Variants in TBX1 observed in about 807,000 individuals in gnomAD.
TBX1 encodes the protein T-box transcription factor 1, also known as T-box transcription factor TBX1.
In TBX1, 16 loss-of-function variants were observed where a neutral mutation model predicts 40.8. The observed-to-expected ratio is 0.39, with a 90% CI of 0.27 to 0.60. The LOEUF is 0.60. Among genes scored for constraint, TBX1 ranks in the 20% least tolerant of loss-of-function variants. The pLI is 0.51. For missense variants in TBX1, 755 were observed against 728.5 expected (o/e 1.04, Z -0.42); for synonymous variants, 403 against 336.8 (o/e 1.20, Z -2.15).
At chr22:19,782,365 C>T (rs1473407915), downstream of TBX1, among the ~76,000 whole-genome samples, 1 of 152,156 alleles carries the variant, frequency 6.6e-6, no homozygotes, top group African/African-American at 2.4e-5. Context: ...AAGTCTTTCA[C>T]CTCCCTAGTT....
In TBX1 at chr22:19,766,488, G is replaced by A. The variant is rs1936849953; in HGVS notation, c.1136G>A (p.Ser379Asn). The A allele has an allele frequency of 7.6e-7, 1 of 1,313,946 alleles. No individual in the cohort carries two copies. Among genetic ancestry groups the A allele is most frequent in the South Asian group, 2.0e-5 (1 of 50,678 alleles). 81.4% of individuals were successfully genotyped at this position (1,313,946 alleles called of 1,614,324 possible). A position where few individuals can be genotyped will look rare whatever the true frequency, so the allele number is the denominator to read the frequency against. The change falls in exon 7 of 7, where the codon AGC becomes AAC. Residue 379 changes from serine to asparagine, a missense_variant. Ser to Asn is a conservative substitution (Grantham distance 46, BLOSUM62 1). Transcript: ENST00000649276. ...CCGCAGCTGCTGGCCCGGGTGCTAAGCCCCTCGCTGCCCGGGGCCGGCGGC... is the reference window on the plus strand; with the variant it reads ...CCGCAGCTGCTGGCCCGGGTGCTAAACCCCTCGCTGCCCGGGGCCGGCGGC... ...HPPQLLARVL[S>N]PSLPGAGGAG...
intron 8 of TBX1, among the ~76,000 whole-genome samples, chr22:19,778,439 CT>C (rs111819861): frequency 9.4e-4 from 135 of 143,748 alleles, no homozygotes; most frequent in Admixed American, 8.3e-4. Context: ...TTTTCTTCTT[CT>C]TTTTTTTTTT....
chr22:19,767,007 G>A lies in TBX1; in HGVS notation c.*140G>A. ...CGCGGCTCTCCCCTTCCCCAGCCTC[G>A]AAGCCATGGGGGCCCCCTCGCCACC... On this transcript the variant is annotated 3_prime_UTR_variant, in exon 7 of 7. Coordinates refer to ENST00000649276, the MANE Select transcript of TBX1 (RefSeq NM_001379200.1). 1.5e-6 allele frequency: 2 copies of A among 1,375,992 alleles called. No homozygotes were observed. The highest frequency in any genetic ancestry group is 1.9e-6 in the Non-Finnish European group (2 of 1,066,338). The allele number at this position is 1,375,992 out of a possible 1,614,324, so 85.2% of individuals were successfully genotyped here.
At chr22:19,770,598 C>T (rs544711425), downstream of TBX1, among the ~76,000 whole-genome samples, 23 of 152,298 alleles carry the variant, frequency 1.5e-4, no homozygotes, top group Admixed American at 5.2e-4. Context: ...GACCCTGGCC[C>T]GGTGGAGATG....
intron 6 of TBX1, 160 bp from the exon 7 acceptor site, chr22:19,766,229 C>T: frequency 1.8e-6 from 2 of 1,093,136 alleles, no homozygotes; most frequent in Non-Finnish European, 2.2e-6. Context: ...GGGGAGGGCT[C>T]GGGGCGCCGG....
At position 19,767,289 on chromosome 22, in the gene TBX1, T is replaced by TA. The variant is rs1231673531; in HGVS notation, c.*423dup. The TA allele has an allele frequency of 1.6e-4, 159 of 993,728 alleles. 1 individual carries two copies. Among genetic ancestry groups the TA allele is most frequent in the East Asian group, 6.5e-4 (6 of 9,170 alleles). 61.6% of individuals were successfully genotyped at this position (993,728 alleles called of 1,614,324 possible). ...ATGTAGATACTGTAGATACTGTAGATACCGCCCCGGCGCCGACTTGATAAA... is the reference window on the plus strand; with the variant it reads ...ATGTAGATACTGTAGATACTGTAGATAACCGCCCCGGCGCCGACTTGATAAA... On this transcript the variant is annotated 3_prime_UTR_variant, in exon 7 of 7. Coordinates refer to ENST00000649276, the MANE Select transcript of TBX1 (RefSeq NM_001379200.1).
downstream of TBX1, among the ~76,000 whole-genome samples, chr22:19,781,717 G>A (rs1937144425): frequency 3.3e-5 from 5 of 152,080 alleles, no homozygotes; most frequent in African/African-American, 1.2e-4. Flanking sequence ...GAGTTTATAG[G>A]GTATGAGGTG....
downstream of TBX1, chr22:19,767,459 G>C: frequency 1.1e-6 from 1 of 905,132 alleles, no homozygotes; most frequent in Non-Finnish European, 1.3e-6. Flanking sequence ...ACTGTAGGTC[G>C]GTCCCGGTCC....
intron 6 of TBX1, 177 bp downstream of exon 6, chr22:19,766,179 C>A: frequency 1.3e-6 from 1 of 799,026 alleles, no homozygotes; most frequent in Non-Finnish European, 1.5e-6. Context: ...GGCTGCGCCC[C>A]GCCCGCCGCC....
chr22:19,759,273 G>A (rs767904707), upstream of TBX1, among the ~76,000 whole-genome samples: 2 of 152,228 alleles, frequency 1.3e-5, no homozygotes, highest in African/African-American at 2.4e-5. Context: ...GAAAGCAAGA[G>A]GGCCCTGCAC....
rs1181352381 is a variant in TBX1, at chr22:19,765,845, A to T, written c.935+20A>T. On this transcript the variant is annotated intron_variant, in intron 5 of 6. Coordinates refer to ENST00000649276, the MANE Select transcript of TBX1 (RefSeq NM_001379200.1). Reference sequence around the variant, plus strand: ...GGACTGGTGAGTGTCCTCCCCCGAGAGAGTGAGCGCCGGGCGCCTGGCGCA... The same window carrying T: ...GGACTGGTGAGTGTCCTCCCCCGAGTGAGTGAGCGCCGGGCGCCTGGCGCA... The T allele has an allele frequency of 6.3e-7, 1 of 1,590,496 alleles. No individual in the cohort carries two copies. Among genetic ancestry groups the T allele is most frequent in the African/African-American group, 1.4e-5 (1 of 74,028 alleles).
Position 19,764,938 on chromosome 22 carries a change from T to G in TBX1, c.712-20T>G. On this transcript the variant is annotated intron_variant, in intron 3 of 6. Transcript: ENST00000649276. ...AGCCCAGCCCCACCGCTGGAGCTGA[T>G]TCCCCACCTTGTCTTCCAGATTATT... 1 of 1,613,838 alleles carries G rather than the reference T, an allele frequency of 6.2e-7. No homozygotes were observed. Among genetic ancestry groups the G allele is most frequent in the Non-Finnish European group, 8.5e-7 (1 of 1,179,858 alleles).
At position 19,767,142 on chromosome 22, in the gene TBX1, G is replaced by T. The variant is rs977663085; in HGVS notation, c.*275G>T. On this transcript the variant is annotated 3_prime_UTR_variant, in exon 7 of 7. Coordinates refer to ENST00000649276, the MANE Select transcript of TBX1 (RefSeq NM_001379200.1). ...GGTCCCCGCCCGCCAGTGCCAAAGC[G>T]CCCGGTCGGAGGCGGAAGGAAGTGA... 13 of 1,245,060 alleles carry T rather than the reference G, an allele frequency of 1.0e-5. No individual in the cohort carries two copies. Among genetic ancestry groups the T allele is most frequent in the Non-Finnish European group, 1.3e-5 (13 of 994,800 alleles). The allele number at this position is 1,245,060 out of a possible 1,614,324, so 77.1% of individuals were successfully genotyped here.
chr22:19,759,792 C>A, upstream of TBX1: 1 of 1,234,072 alleles, frequency 8.1e-7, no homozygotes, highest in Non-Finnish European at 1.2e-6. Context: ...GGGCTCCAGG[C>A]TTCTGGCTGC....
chr22:19,767,592 C>T (rs760496026), downstream of TBX1, among the ~76,000 whole-genome samples: 6 of 152,242 alleles, frequency 3.9e-5, no homozygotes, highest in Non-Finnish European at 5.9e-5. Flanking sequence ...CCCACCGTCC[C>T]GTCTCATCCC....
chr22:19,766,523 T>C lies in TBX1; in HGVS notation c.1171T>C (p.Leu391=). 7.5e-7 allele frequency: 1 copy of C among 1,332,088 alleles called. No individual in the cohort carries two copies. Among genetic ancestry groups the C allele is most frequent in the East Asian group, 3.2e-5 (1 of 31,040 alleles). 82.5% of individuals were successfully genotyped at this position (1,332,088 alleles called of 1,614,324 possible). A position where few individuals can be genotyped will look rare whatever the true frequency, so the allele number is the denominator to read the frequency against. ...GCCCGGGGCCGGCGGCGCCGGCGGC[T>C]TAGTCCCGCTGCCCGGCGCGCCCGG... is the stretch of plus-strand genomic sequence containing the variant. ...SLPGAGGAGG[L]VPLPGAPGGR... is the part of the protein sequence containing the mutation. The change falls in exon 7 of 7, where the codon TTA becomes CTA. Residue 391 remains leucine, a synonymous_variant. Transcript: ENST00000649276.
intron 2 of TBX1, chr22:19,763,801 G>A (rs1046164445): frequency 4.2e-5 from 19 of 452,308 alleles, no homozygotes; most frequent in African/African-American, 1.4e-4. Context: ...TAAAGAGAAC[G>A]CGCACTGCCC....
rs1936839922 is a variant in TBX1 at position 19,766,308 on chromosome 22, C to G, written c.1037-81C>G. The G allele has an allele frequency of 8.2e-6, 10 of 1,217,928 alleles. 1 individual carries two copies. The South Asian group carries it at 2.6e-4, about 32-fold the overall frequency. 75.4% of individuals were successfully genotyped at this position (1,217,928 alleles called of 1,614,324 possible). A position where few individuals can be genotyped will look rare whatever the true frequency, so the allele number is the denominator to read the frequency against. On this transcript the variant is annotated intron_variant, in intron 6 of 6. Coordinates refer to ENST00000649276, the MANE Select transcript of TBX1 (RefSeq NM_001379200.1). Reference sequence around the variant, plus strand: ...CACCGAGGGCGGCCAAGAGCCTTCTCTCCGCCAGGGCCTCGCATGGGGCGT... The same window carrying G: ...CACCGAGGGCGGCCAAGAGCCTTCTGTCCGCCAGGGCCTCGCATGGGGCGT...
chr22:19,766,148 C>A, intron 6 of TBX1, 146 bp downstream of exon 6: 2 of 768,338 alleles, frequency 2.6e-6, no homozygotes, highest in Non-Finnish European at 3.2e-6. Flanking sequence ...GGCAAGCGCG[C>A]ACTCGCCCGC....
Sources: gnomAD v4.1 joint callset for allele counts (sites outside exome capture counted in the v4.1 genomes callset) on GRCh38, gnomAD v4.1.1 for gene constraint, MANE v1.5 for transcripts, NCBI Gene and HGNC (gene_info 2026-07-23, HGNC 2026-07-21) for gene names.